The following DOK6 variants were observed in gnomAD, a reference collection of about 807,000 sequenced individuals.
The protein encoded by DOK6 is docking protein 6.
DOK6 carries 22 observed loss-of-function variants against 44.0 expected under a neutral mutation model. The observed-to-expected ratio is 0.50, with a 90% CI of 0.36 to 0.71. The LOEUF is 0.71. Ranked by LOEUF, DOK6 falls within the 30% of genes least tolerant of loss-of-function variation. The pLI is 0.00. For missense variants in DOK6, 340 were observed against 416.4 expected, an observed-to-expected ratio of 0.82 and a Z score of 1.60; for synonymous variants, 166 against 145.5, an observed-to-expected ratio of 1.14 and a Z score of -1.01.
chr18:69,532,501 A>C (rs1386458237), intron 1 of DOK6, among the ~76,000 whole-genome samples: 1 of 152,228 alleles, frequency 6.6e-6, no homozygotes, highest in East Asian at 1.9e-4. Flanking sequence ...CAAGTTAGGT[A>C]ATGGTTTTCT....
At chr18:69,812,335 T>C (rs1981266618) in intron 7 of DOK6, among the ~76,000 whole-genome samples, 1 of 152,186 alleles carries the variant, frequency 6.6e-6, no homozygotes, top group Non-Finnish European at 1.5e-5. Context: ...AATACTGTAC[T>C]GTCTCCACCA....
At chr18:69,555,535 A>C (rs1422131598) in intron 1 of DOK6, among the ~76,000 whole-genome samples, 1 of 152,204 alleles carries the variant, frequency 6.6e-6, no homozygotes, top group African/African-American at 2.4e-5. Flanking sequence ...TCCTTTTGTC[A>C]TAAATCAAAT....
chr18:69,841,465 A>G lies in DOK6; in HGVS notation c.*82A>G. The stretch of plus-strand genomic sequence containing the variant: ...GTCATTACCCTCTGCCTCCTGGAAG[A>G]CCAATTGCAGTACAAATTGAAATGG... On this transcript the variant is annotated 3_prime_UTR_variant, in exon 8 of 8. Transcript: ENST00000382713. 6.4e-7 allele frequency: 1 copy of G among 1,566,328 alleles called. No individual in the cohort carries two copies.
intron 7 of DOK6, among the ~76,000 whole-genome samples, chr18:69,789,665 C>A (rs1980535367): frequency 6.6e-6 from 1 of 152,108 alleles, no homozygotes; most frequent in South Asian, 2.1e-4. Flanking sequence ...ACATTCTTGG[C>A]AGTATTTCTT....
intron 5 of DOK6, among the ~76,000 whole-genome samples, chr18:69,702,665 G>A (rs1206000674): frequency 6.6e-6 from 1 of 152,178 alleles, no homozygotes; most frequent in Non-Finnish European, 1.5e-5. Flanking sequence ...TTTGAATAAA[G>A]CCAGCTGGGG....
intron 1 of DOK6, among the ~76,000 whole-genome samples, chr18:69,525,198 A>G (rs924600878): frequency 6.6e-6 from 1 of 151,688 alleles, no homozygotes; most frequent in Non-Finnish European, 1.5e-5. Context: ...TATACTTCAG[A>G]TTTTTTCTTT....
intron 3 of DOK6, among the ~76,000 whole-genome samples, chr18:69,612,416 T>TGTGTGCGAGGGCGCAG (rs1984169223): frequency 3.4e-5 from 5 of 146,886 alleles, no homozygotes; most frequent in East Asian, 2.0e-4. Flanking sequence ...CGAGGGCGCA[T>TGTGTGCGAGGGCGCAG]GTGTGCGAGG....
intron 6 of DOK6, among the ~76,000 whole-genome samples, chr18:69,743,300 G>A (rs552840868): frequency 6.6e-6 from 1 of 152,288 alleles, no homozygotes; most frequent in African/African-American, 2.4e-5. Flanking sequence ...GATCATTCTT[G>A]TTCTCAGAGC....
At chr18:69,709,020 C>T (rs1986699424) in intron 5 of DOK6, among the ~76,000 whole-genome samples, 1 of 152,110 alleles carries the variant, frequency 6.6e-6, no homozygotes, top group African/African-American at 2.4e-5. Context: ...TGATTGCAAA[C>T]AGTGAACCGA....
intron 3 of DOK6, among the ~76,000 whole-genome samples, chr18:69,617,750 G>A (rs143733912): frequency 0.06 from 3,753 of 63,040 alleles, 83 homozygotes; most frequent in Non-Finnish European, 0.097. Context: ...GGGAAGGAAG[G>A]AAGGAAAGAA....
chr18:69,571,113 G>A (rs190521511), intron 2 of DOK6, among the ~76,000 whole-genome samples: 174 of 151,818 alleles, frequency 1.1e-3, no homozygotes, highest in East Asian at 8.5e-3. Flanking sequence ...TGAGTAAAAC[G>A]GACTCATACC....
intron 4 of DOK6, among the ~76,000 whole-genome samples, chr18:69,679,947 C>G (rs1986008228): frequency 6.6e-6 from 1 of 152,094 alleles, no homozygotes; most frequent in South Asian, 2.1e-4. Context: ...CACATACACA[C>G]ACACACACAA....
chr18:69,599,475 C>G lies in DOK6; in HGVS notation c.266C>G (p.Ser89Trp), dbSNP rs760566494. The stretch of plus-strand genomic sequence containing the variant: ...GCAATCATCTTTCACGATGAAACAT[C>G]GAAGACATTTGCCTGTGAGTCAGGT... Reference protein sequence around the residue: ...AVAIIFHDETSKTFACESELE... With the variant: ...AVAIIFHDETWKTFACESELE... Residue 89 changes from serine to tryptophan, a missense_variant, in exon 3 of 8, where the codon TCG (serine) becomes TGG (tryptophan). By Grantham distance (177) the Ser-to-Trp change is radical. Around this residue, in one of 3 missense-constraint regions of DOK6, gnomAD observed 206 missense variants for 258.6 expected, o/e 0.80. Coordinates refer to ENST00000382713, the MANE Select transcript of DOK6 (RefSeq NM_152721.6). 4.3e-6 allele frequency: 7 copies of G among 1,613,724 alleles called. No individual in the cohort carries two copies. Among genetic ancestry groups the G allele is most frequent in the Admixed American group, 1.7e-5 (1 of 59,962 alleles).
chr18:69,468,964 G>T (rs1218889134), intron 1 of DOK6, among the ~76,000 whole-genome samples: 1 of 152,222 alleles, frequency 6.6e-6, no homozygotes, highest in Non-Finnish European at 1.5e-5. Context: ...TGACTACTTG[G>T]ATATTTGGGA....
At chr18:69,823,725 C>T (rs965285211) in intron 7 of DOK6, among the ~76,000 whole-genome samples, 9 of 151,726 alleles carry the variant, frequency 5.9e-5, no homozygotes, top group Non-Finnish European at 2.9e-5. Flanking sequence ...CAGCATCTTC[C>T]TGGTGCCTTC....
intron 2 of DOK6, among the ~76,000 whole-genome samples, chr18:69,567,185 C>G (rs1983003808): frequency 6.6e-6 from 1 of 152,110 alleles, no homozygotes; most frequent in African/African-American, 2.4e-5. Flanking sequence ...GTTTACGGAG[C>G]CCTTACCATG....
intron 5 of DOK6, among the ~76,000 whole-genome samples, chr18:69,708,728 G>C (rs1014111142): frequency 2.0e-5 from 3 of 147,648 alleles, no homozygotes; most frequent in African/African-American, 7.5e-5. Flanking sequence ...ATGTTGCAGT[G>C]AGCCGAGATC....
intron 7 of DOK6, among the ~76,000 whole-genome samples, chr18:69,781,649 AG>A (rs1980271356): frequency 1.3e-5 from 2 of 152,210 alleles, no homozygotes; most frequent in Non-Finnish European, 2.9e-5. Flanking sequence ...GTTTCAAAGT[AG>A]ATTTAAAATA....
intron 1 of DOK6, among the ~76,000 whole-genome samples, chr18:69,556,820 A>T (rs17775100): frequency 0.03 from 4,505 of 152,362 alleles, 125 homozygotes; most frequent in South Asian, 0.1. Flanking sequence ...TTGAAAAGAT[A>T]GCTAAAGCTA....
Sources: allele counts gnomAD v4.1 joint callset (sites outside exome capture counted in the v4.1 genomes callset), GRCh38; gene constraint gnomAD v4.1.1; regional missense constraint gnomAD v4.1.1; transcripts MANE v1.5; gene names NCBI Gene and HGNC (gene_info 2026-07-23, HGNC 2026-07-21).